The following ZNF438 variants were observed in gnomAD, a reference collection of about 807,000 sequenced individuals.
ZNF438 encodes the protein zinc finger protein 438.
Under a neutral mutation model 38.0 loss-of-function variants are expected in ZNF438, and 25 were observed. That is an observed-to-expected ratio of 0.66 (90% confidence interval 0.48 to 0.92). The LOEUF is 0.92. ZNF438 is among the 40% of genes least tolerant of loss of function. ZNF438 has a pLI of 0.00. For synonymous variants in ZNF438, 372 were observed against 364.1 expected (o/e 1.02, Z -0.25); for missense variants, 1,007 against 999.6 (o/e 1.01, Z -0.10).
intron 1 of ZNF438, among the ~76,000 whole-genome samples, chr10:30,962,868 T>C (rs2049648679): frequency 6.6e-6 from 1 of 152,222 alleles, no homozygotes; most frequent in South Asian, 2.1e-4. Flanking sequence ...CCATCTTTAC[T>C]GTTTTGGAAA....
intron 1 of ZNF438, among the ~76,000 whole-genome samples, chr10:31,012,129 CT>C (rs1173483449): frequency 3.1e-4 from 40 of 130,694 alleles, no homozygotes; most frequent in African/African-American, 3.9e-4. Context: ...TTTTTTTTTT[CT>C]TTTTTTTTTT....
chr10:30,845,749 T>C (rs932268828), intron 5 of ZNF438, among the ~76,000 whole-genome samples, 176 bp from the exon 7 acceptor site: 25 of 152,180 alleles, frequency 1.6e-4, no homozygotes, highest in African/African-American at 6.0e-4. Context: ...TGAATACTAA[T>C]TGTCACTCCT....
intron 4 of ZNF438, among the ~76,000 whole-genome samples, chr10:30,862,364 T>C (rs2133187974): frequency 6.6e-6 from 1 of 152,308 alleles, no homozygotes; most frequent in South Asian, 2.1e-4. Context: ...GGCAATGGTA[T>C]GATCATAGCT....
At position 30,979,591 on chromosome 10, in the gene ZNF438, G is replaced by A. The variant is rs1054307273; in HGVS notation, c.-191-37940C>T. On this transcript the variant is annotated intron_variant, in intron 1 of 5. Transcript: ENST00000413025. ...CATAGACCAATGGAACAGAACAGAG[G>A]CCTCAGAAATAACATCATGCATCTA... 2.6e-5 allele frequency among the ~76,000 whole-genome samples: 4 copies of A among 152,150 alleles called. No individual in the cohort carries two copies. In the East Asian group the frequency reaches 7.7e-4, roughly 29 times the overall value.
intron 1 of ZNF438, among the ~76,000 whole-genome samples, chr10:30,968,434 CTTTTTTTTTTTTT>C (rs546132410): frequency 2.9e-5 from 3 of 103,616 alleles, no homozygotes; most frequent in Admixed American, 1.0e-4. Context: ...TGAATGTAAA[CTTTTTTTTTTTTT>C]TTTTTTTTTT....
Position 30,848,950 on chromosome 10 carries a change from G to A in ZNF438, c.1455C>T (p.Asn485=), listed in dbSNP as rs370198481. 3.7e-6 allele frequency: 6 copies of A among 1,613,990 alleles called. No homozygotes were observed. In the African/African-American group the frequency reaches 4.0e-5, roughly 11 times the overall value. ...CGGAGCTGGGCTTAGGGGAAGAGCTGTTGTCTTGCTTACAGCCAAGATATT... is the reference window on the plus strand; with the variant it reads ...CGGAGCTGGGCTTAGGGGAAGAGCTATTGTCTTGCTTACAGCCAAGATATT... Residue 485 remains asparagine (N), a synonymous_variant, in exon 5 of 6, where the codon AAC becomes AAT. Transcript: ENST00000413025.
chr10:30,920,897 A>C (rs1326244078), intron 2 of ZNF438: 1 of 152,228 alleles, frequency 6.6e-6, no homozygotes, highest in African/African-American at 2.4e-5. Flanking sequence ...GACATATTTT[A>C]CTACAGTTCA....
chr10:30,865,240 TACA>T (rs1405404025), intron 4 of ZNF438, among the ~76,000 whole-genome samples: 9 of 152,258 alleles, frequency 5.9e-5, no homozygotes, highest in Non-Finnish European at 1.2e-4. Flanking sequence ...AAGAGACATC[TACA>T]GCATGGTCAC....
upstream of ZNF438, among the ~76,000 whole-genome samples, chr10:31,032,111 A>C (rs557340171): frequency 1.3e-5 from 2 of 152,128 alleles, no homozygotes; most frequent in South Asian, 4.1e-4. Context: ...CCAAAGCCTC[A>C]CTCAAAGCCT....
At chr10:30,949,247 G>A (rs554821815) in intron 1 of ZNF438, among the ~76,000 whole-genome samples, 1,595 of 151,896 alleles carry the variant, frequency 0.011, 18 homozygotes, top group Non-Finnish European at 0.015. Flanking sequence ...GCTCCTGAAG[G>A]AAGCGCTAAA....
At chr10:31,010,229 A>G (rs576915903) in intron 1 of ZNF438, among the ~76,000 whole-genome samples, 2 of 152,332 alleles carry the variant, frequency 1.3e-5, no homozygotes, top group Admixed American at 6.5e-5. Flanking sequence ...AAAAATACTT[A>G]TATGTTTACC....
chr10:30,935,112 T>C (rs895195936), intron 2 of ZNF438, among the ~76,000 whole-genome samples: 2 of 152,260 alleles, frequency 1.3e-5, no homozygotes, highest in Admixed American at 1.3e-4. Flanking sequence ...ACTCCCTAGC[T>C]TATTATTCTC....
chr10:31,029,877 C>T (rs1233614525), intron 1 of ZNF438, among the ~76,000 whole-genome samples: 1 of 152,224 alleles, frequency 6.6e-6, no homozygotes, highest in Non-Finnish European at 1.5e-5. Context: ...AGAGCATTGT[C>T]CTGTGCTGTT....
intron 3 of ZNF438, among the ~76,000 whole-genome samples, chr10:30,904,966 TAACA>T (rs910758111): frequency 3.3e-5 from 5 of 152,200 alleles, no homozygotes; most frequent in African/African-American, 1.2e-4. Flanking sequence ...CTCATACTCC[TAACA>T]GACAAGAAGC....
At chr10:30,953,359 A>T (rs1231021097) in intron 1 of ZNF438, among the ~76,000 whole-genome samples, 2 of 152,196 alleles carry the variant, frequency 1.3e-5, no homozygotes, top group African/African-American at 4.8e-5. Flanking sequence ...ATATGTAACT[A>T]ACCTGCACAA....
intron 2 of ZNF438, among the ~76,000 whole-genome samples, chr10:30,914,981 A>C (rs953539181): frequency 6.6e-6 from 1 of 152,082 alleles, no homozygotes. Flanking sequence ...ACAAAGCTCA[A>C]AACTTGTTTA....
At chr10:30,982,099 C>CTTTT (rs538801257) in intron 1 of ZNF438, among the ~76,000 whole-genome samples, 5 of 90,824 alleles carry the variant, frequency 5.5e-5, no homozygotes, top group African/African-American at 1.6e-4. Flanking sequence ...TTTTCTCTTT[C>CTTTT]TTTTTTTTTT....
intron 4 of ZNF438, among the ~76,000 whole-genome samples, chr10:30,857,258 C>CT (rs10682942): frequency 0.035 from 4,696 of 135,864 alleles, 110 homozygotes; most frequent in Non-Finnish European, 0.049. Context: ...TCTAAAATTT[C>CT]TTTTTTTTTT....
chr10:30,944,376 C>A (rs1164350621), intron 1 of ZNF438, among the ~76,000 whole-genome samples: 1 of 152,166 alleles, frequency 6.6e-6, no homozygotes, highest in African/African-American at 2.4e-5. Flanking sequence ...TCGTTCTTAT[C>A]TTAAGTCTAC....
Sources: allele counts gnomAD v4.1 joint callset (sites outside exome capture counted in the v4.1 genomes callset), GRCh38; gene constraint gnomAD v4.1.1; transcripts MANE v1.5; gene names NCBI Gene and HGNC (gene_info 2026-07-23, HGNC 2026-07-21).